ANKS1B: variants seen among roughly 807,000 people sequenced by gnomAD.
ANKS1B encodes ankyrin repeat and sterile alpha motif domain containing 1B, also known as ankyrin repeat and sterile alpha motif domain-containing protein 1B.
A neutral mutation model predicts 148.3 loss-of-function variants in ANKS1B; 36 were observed. That is an observed-to-expected ratio of 0.24 (90% CI 0.19 to 0.32). The LOEUF (loss-of-function observed/expected upper bound fraction) is 0.32, where lower values mean the gene tolerates loss of function less well. ANKS1B is among the 10% of genes least tolerant of loss of function. The pLI is 1.00. For synonymous variants in ANKS1B, 542 were observed against 560.8 expected (o/e 0.97, Z 0.47); for missense variants, 1,157 against 1,542.6 (o/e 0.75, Z 4.19).
intron 14 of ANKS1B, among the ~76,000 whole-genome samples, chr12:99,158,701 A>C (rs544126512): frequency 1.5e-5 from 1 of 65,592 alleles, no homozygotes; most frequent in South Asian, 6.8e-4. Flanking sequence ...ACAGACACTA[A>C]AACTTGGTAA....
At chr12:99,831,508 C>G (rs917243691) in intron 1 of ANKS1B, among the ~76,000 whole-genome samples, 4 of 152,126 alleles carry the variant, frequency 2.6e-5, no homozygotes, top group Non-Finnish European at 5.9e-5. Flanking sequence ...ATATTTATCA[C>G]AGAGTGAGGG....
At chr12:98,921,663 G>C (rs931579196) in intron 17 of ANKS1B, among the ~76,000 whole-genome samples, 7 of 151,852 alleles carry the variant, frequency 4.6e-5, no homozygotes, top group African/African-American at 1.7e-4. Context: ...TTCCTGGGTG[G>C]CTCATTGTTG....
intron 14 of ANKS1B, among the ~76,000 whole-genome samples, chr12:99,166,320 A>G (rs140318845): frequency 1.3e-5 from 2 of 152,038 alleles, no homozygotes; most frequent in African/African-American, 4.8e-5. Flanking sequence ...GAAAGGAAGC[A>G]GTAGAACTGC....
chr12:99,666,177 CTCT>C (rs1190770639), intron 8 of ANKS1B, among the ~76,000 whole-genome samples: 3 of 152,170 alleles, frequency 2.0e-5, no homozygotes, highest in Non-Finnish European at 4.4e-5. Context: ...ACCTGTAAAT[CTCT>C]TCTTATGTGA....
At chr12:99,740,315 C>CAAAAA (rs1249679514) in intron 8 of ANKS1B, among the ~76,000 whole-genome samples, 1 of 125,842 alleles carries the variant, frequency 7.9e-6, no homozygotes, top group African/African-American at 3.0e-5. Context: ...GTCTCAAAAA[C>CAAAAA]AAAAACAAAA....
rs368890225 is a variant in ANKS1B, at chr12:99,532,343, T to TTTG, written c.1273-27705_1273-27703dup. Among the ~76,000 whole-genome samples, 476 of 152,276 alleles carry TTTG rather than the reference T, an allele frequency of 3.1e-3. 4 individuals are homozygous for TTTG. Among genetic ancestry groups the TTTG allele is most frequent in the African/African-American group, 0.011 (455 of 41,540 alleles). On this transcript the variant is annotated intron_variant, in intron 9 of 26. Transcript: ENST00000683438. The stretch of plus-strand genomic sequence containing the variant: ...TTTCAGGTCTTACATTTAAGGTTTT[T>TTTG]TTGTTGTTGTTGTTGTTTGCTTGTT...
chr12:99,839,182 C>A (rs1434910598), intron 1 of ANKS1B, among the ~76,000 whole-genome samples: 1 of 151,922 alleles, frequency 6.6e-6, no homozygotes, highest in Non-Finnish European at 1.5e-5. Flanking sequence ...TTCAGTCCAG[C>A]CTGGGCAATA....
chr12:99,528,983 A>G (rs988987332), intron 9 of ANKS1B, among the ~76,000 whole-genome samples: 3 of 152,228 alleles, frequency 2.0e-5, no homozygotes, highest in African/African-American at 7.2e-5. Context: ...TTGTGAATCT[A>G]CCACCTGAGG....
At chr12:99,962,461 AT>A (rs1293362516) in intron 1 of ANKS1B, among the ~76,000 whole-genome samples, 1 of 152,140 alleles carries the variant, frequency 6.6e-6, no homozygotes, top group Non-Finnish European at 1.5e-5. Flanking sequence ...ATTGATGGGC[AT>A]TTGGGTTGGT....
chr12:98,974,761 T>C (rs2099889846), intron 17 of ANKS1B, among the ~76,000 whole-genome samples: 1 of 152,092 alleles, frequency 6.6e-6, no homozygotes, highest in African/African-American at 2.4e-5. Context: ...GAGCCAGTAG[T>C]CATCCTGAGC....
intron 12 of ANKS1B, among the ~76,000 whole-genome samples, chr12:99,331,304 G>C (rs2087503868): frequency 6.6e-6 from 1 of 152,012 alleles, no homozygotes; most frequent in Middle Eastern, 3.4e-3. Context: ...TACTGAAAAA[G>C]TCAACTAGTA....
Position 99,246,379 on chromosome 12 carries a change from T to C in ANKS1B, c.2242A>G (p.Asn748Asp), listed in dbSNP as rs180896075. ...CAGTTAACTCTTGATGTTTTCTCAT[T>C]GGAAGGATAGGCAATGAGATCAGAA... Reference protein sequence around the residue: ...SDSDLIAYPSNEKTSRVNWSE... With the variant: ...SDSDLIAYPSDEKTSRVNWSE... Residue 748 changes from asparagine (N) to aspartate (D), a missense_variant, in exon 13 of 27, where the codon AAT (asparagine) becomes GAT (aspartate). Asn to Asp is a conservative substitution (Grantham distance 23). Coordinates refer to ENST00000683438, the MANE Select transcript of ANKS1B (RefSeq NM_001352186.2). 7.6e-4 allele frequency: 1,232 copies of C among 1,613,916 alleles called. 11 individuals are homozygous for C. The highest frequency in any genetic ancestry group is 6.9e-3 in the South Asian group (626 of 91,070).
chr12:99,951,816 T>G (rs900008678), intron 1 of ANKS1B, among the ~76,000 whole-genome samples: 1 of 151,768 alleles, frequency 6.6e-6, no homozygotes, highest in African/African-American at 2.4e-5. Flanking sequence ...AGCCCAGCAG[T>G]TGGAGGTTAC....
chr12:99,773,544 C>T (rs2063385351), intron 7 of ANKS1B, among the ~76,000 whole-genome samples: 2 of 151,794 alleles, frequency 1.3e-5, no homozygotes, highest in Admixed American at 1.3e-4. Context: ...TAATCAGTAC[C>T]TTAAGAATTA....
intron 8 of ANKS1B, among the ~76,000 whole-genome samples, chr12:99,767,015 G>C (rs919860450): frequency 6.6e-6 from 1 of 151,976 alleles, no homozygotes; most frequent in African/African-American, 2.4e-5. Context: ...AAAACTTGAT[G>C]AATTTTAGAA....
intron 1 of ANKS1B, among the ~76,000 whole-genome samples, chr12:99,901,935 C>T (rs1260679504): frequency 6.6e-6 from 1 of 152,158 alleles, no homozygotes; most frequent in African/African-American, 2.4e-5. Flanking sequence ...TTCACATATT[C>T]AACAAATATT....
chr12:99,588,497 A>C (rs1343044370), intron 9 of ANKS1B, among the ~76,000 whole-genome samples: 1 of 151,502 alleles, frequency 6.6e-6, no homozygotes, highest in African/African-American at 2.4e-5. Flanking sequence ...GCTCACTGCA[A>C]CTTCCACCTC....
intron 8 of ANKS1B, among the ~76,000 whole-genome samples, chr12:99,731,404 C>T (rs2059133423): frequency 6.9e-6 from 1 of 144,634 alleles, no homozygotes; most frequent in Non-Finnish European, 1.5e-5. Context: ...TAGGCGTGAA[C>T]CACCGTGCCG....
At chr12:98,988,082 CAT>C (rs953343868) in intron 17 of ANKS1B, among the ~76,000 whole-genome samples, 2 of 152,270 alleles carry the variant, frequency 1.3e-5, no homozygotes, top group African/African-American at 4.8e-5. Context: ...GTATAATTAA[CAT>C]GTGCATTATC....
Sources: gnomAD v4.1 joint callset for allele counts (sites outside exome capture counted in the v4.1 genomes callset) on GRCh38, gnomAD v4.1.1 for gene constraint, MANE v1.5 for transcripts, NCBI Gene and HGNC (gene_info 2026-07-23, HGNC 2026-07-21) for gene names.